Variants in CNTN1 observed in about 807,000 individuals in gnomAD.
CNTN1 encodes the protein contactin 1.
Under a neutral mutation model 126.4 loss-of-function variants are expected in CNTN1, and 38 were observed. The observed-to-expected ratio is 0.30, with a 90% CI of 0.23 to 0.39. The LOEUF (loss-of-function observed/expected upper bound fraction) is 0.39, where lower values mean the gene tolerates loss of function less well. Ranked by LOEUF, CNTN1 falls within the 10% of genes least tolerant of loss-of-function variation. The pLI is 1.00. For synonymous variants in CNTN1, 413 were observed against 422.6 expected, an observed-to-expected ratio of 0.98 and a Z score of 0.28; for missense variants, 1,009 against 1,248.4, an observed-to-expected ratio of 0.81 and a Z score of 2.89.
At chr12:40,728,160 T>G (rs1727400868) in intron 1 of CNTN1, among the ~76,000 whole-genome samples, 1 of 152,178 alleles carries the variant, frequency 6.6e-6, no homozygotes, top group Non-Finnish European at 1.5e-5. Flanking sequence ...TTTTAGCAGC[T>G]AGAAGGAGAA....
At chr12:40,721,841 G>A (rs569752618) in intron 1 of CNTN1, among the ~76,000 whole-genome samples, 85 of 151,032 alleles carry the variant, frequency 5.6e-4, no homozygotes, top group South Asian at 3.6e-3. Context: ...TGAGAATGAC[G>A]ATTTCCAATT....
chr12:41,011,956 G>T (rs1262675276), intron 17 of CNTN1, among the ~76,000 whole-genome samples: 1 of 152,204 alleles, frequency 6.6e-6, no homozygotes, highest in East Asian at 1.9e-4. Context: ...CTAAAATTTG[G>T]TTTTGGAGGA....
chr12:40,980,536 C>G (rs1566083698), intron 15 of CNTN1, among the ~76,000 whole-genome samples: 1 of 151,534 alleles, frequency 6.6e-6, no homozygotes, highest in Non-Finnish European at 1.5e-5. Context: ...GTTCCCATAT[C>G]TAAACTGAAT....
At chr12:40,881,232 C>A (rs1214345488) in intron 1 of CNTN1, among the ~76,000 whole-genome samples, 1 of 151,828 alleles carries the variant, frequency 6.6e-6, no homozygotes, top group Non-Finnish European at 1.5e-5. Context: ...TGTATAATAG[C>A]ACTATGCTGA....
intron 23 of CNTN1, among the ~76,000 whole-genome samples, chr12:41,047,568 C>T (rs1018635382): frequency 1.3e-5 from 2 of 151,978 alleles, no homozygotes; most frequent in African/African-American, 4.8e-5. Flanking sequence ...ATCATACCAT[C>T]ACCCTCTCCC....
chr12:40,794,374 T>C (rs1352968950), intron 1 of CNTN1, among the ~76,000 whole-genome samples: 1 of 151,950 alleles, frequency 6.6e-6, no homozygotes, highest in Non-Finnish European at 1.5e-5. Flanking sequence ...GATAGATAGA[T>C]GGCTGAATTG....
intron 1 of CNTN1, among the ~76,000 whole-genome samples, chr12:40,698,477 C>A (rs1941510045): frequency 6.6e-6 from 1 of 151,886 alleles, no homozygotes; most frequent in Non-Finnish European, 1.5e-5. Context: ...ACCTTGTGAT[C>A]CGCCCGCCTC....
At chr12:40,981,390 C>A (rs928712018) in intron 16 of CNTN1, among the ~76,000 whole-genome samples, 2 of 151,954 alleles carry the variant, frequency 1.3e-5, no homozygotes, top group Non-Finnish European at 2.9e-5. Flanking sequence ...TATTTTTGAG[C>A]AAATAGCATT....
intron 7 of CNTN1, among the ~76,000 whole-genome samples, chr12:40,932,941 G>A (rs12828342): frequency 0.033 from 5,047 of 151,936 alleles, 109 homozygotes; most frequent in Middle Eastern, 0.11. Flanking sequence ...GAAATAAAGT[G>A]TCTAGTTTGA....
intron 1 of CNTN1, among the ~76,000 whole-genome samples, chr12:40,780,226 A>G (rs1479490176): frequency 1.3e-5 from 2 of 151,938 alleles, no homozygotes; most frequent in African/African-American, 2.4e-5. Flanking sequence ...CAGGATGATC[A>G]TGGGAAGCTA....
At chr12:40,716,515 C>T (rs942780067) in intron 1 of CNTN1, among the ~76,000 whole-genome samples, 26 of 152,196 alleles carry the variant, frequency 1.7e-4, no homozygotes, top group Admixed American at 1.4e-3. Context: ...AAAATATACA[C>T]TTGATAAAGC....
At chr12:40,948,148 A>G (rs1037541361) in intron 14 of CNTN1, among the ~76,000 whole-genome samples, 7 of 151,398 alleles carry the variant, frequency 4.6e-5, no homozygotes, top group Admixed American at 2.6e-4. Context: ...ATCTGAGAGT[A>G]TTGGGGACAC....
At chr12:40,869,703 A>G (rs1011039474) in intron 1 of CNTN1, among the ~76,000 whole-genome samples, 1 of 152,150 alleles carries the variant, frequency 6.6e-6, no homozygotes, top group African/African-American at 2.4e-5. Flanking sequence ...TGCAAAATCT[A>G]TAGTGGTTTT....
At chr12:40,777,796 C>A (rs1163288599) in intron 1 of CNTN1, among the ~76,000 whole-genome samples, 1 of 151,738 alleles carries the variant, frequency 6.6e-6, no homozygotes, top group Non-Finnish European at 1.5e-5. Flanking sequence ...TGGTAATATA[C>A]TCAACAACTT....
intron 16 of CNTN1, among the ~76,000 whole-genome samples, chr12:40,984,621 C>T (rs1011862932): frequency 3.9e-5 from 6 of 152,100 alleles, no homozygotes; most frequent in Non-Finnish European, 8.8e-5. Context: ...GGGAATCCAC[C>T]CCCATGACCC....
chr12:41,020,511 G>C (rs375952185), intron 20 of CNTN1, 71 bp downstream of exon 20: 15 of 992,390 alleles, frequency 1.5e-5, no homozygotes, highest in Middle Eastern at 3.0e-4. Flanking sequence ...CAAATGTGTT[G>C]TATGTTTCAA....
intron 21 of CNTN1, among the ~76,000 whole-genome samples, chr12:41,027,348 C>T (rs921738222): frequency 6.6e-6 from 1 of 151,926 alleles, no homozygotes; most frequent in Non-Finnish European, 1.5e-5. Flanking sequence ...AGTCCTAAAT[C>T]ATCCAACAGT....
At chr12:40,784,348 A>T (rs1939922929) in intron 1 of CNTN1, among the ~76,000 whole-genome samples, 2 of 152,086 alleles carry the variant, frequency 1.3e-5, no homozygotes, top group Non-Finnish European at 2.9e-5. Context: ...TAAGAAATTG[A>T]GTGGAAAAGC....
intron 1 of CNTN1, among the ~76,000 whole-genome samples, chr12:40,706,096 TTA>T (rs35315935): frequency 6.1e-5 from 9 of 147,678 alleles, no homozygotes; most frequent in Non-Finnish European, 7.5e-5. Flanking sequence ...ATTTGATGCT[TTA>T]TATATATATA....
Sources: gnomAD v4.1 joint callset for allele counts (sites outside exome capture counted in the v4.1 genomes callset) on GRCh38, gnomAD v4.1.1 for gene constraint, MANE v1.5 for transcripts, NCBI Gene and HGNC (gene_info 2026-07-23, HGNC 2026-07-21) for gene names.